Variants in SCMH1 observed in about 807,000 individuals in gnomAD.
SCMH1 encodes polycomb protein SCMH1.
Under a neutral mutation model 70.8 loss-of-function variants are expected in SCMH1, and 37 were observed. That is an observed-to-expected ratio of 0.52 (90% CI 0.40 to 0.69). The LOEUF (loss-of-function observed/expected upper bound fraction) is 0.69, where lower values mean the gene tolerates loss of function less well. SCMH1 is among the 30% of genes least tolerant of loss of function. The probability of loss-of-function intolerance (pLI) is 0.00; values close to 1 mark genes in which losing one functional copy is unlikely to be tolerated. For missense variants in SCMH1, 607 were observed against 827.3 expected, an observed-to-expected ratio of 0.73 and a Z score of 3.27; for synonymous variants, 292 against 307.4, an observed-to-expected ratio of 0.95 and a Z score of 0.52.
chr1:41,146,128 T>C (rs1644534742), intron 5 of SCMH1, among the ~76,000 whole-genome samples: 1 of 151,500 alleles, frequency 6.6e-6, no homozygotes, highest in Non-Finnish European at 1.5e-5. Context: ...GGCTCAGAAG[T>C]AGAAATGGAA....
At chr1:41,185,015 C>A (rs1448705900) in intron 2 of SCMH1, among the ~76,000 whole-genome samples, 5 of 152,168 alleles carry the variant, frequency 3.3e-5, no homozygotes, top group South Asian at 2.1e-4. Flanking sequence ...TAGGTCAATA[C>A]AATGAATCAA....
intron 8 of SCMH1, among the ~76,000 whole-genome samples, chr1:41,100,565 T>C (rs12733161): frequency 6.4e-5 from 8 of 125,856 alleles, no homozygotes; most frequent in African/African-American, 2.2e-4. Context: ...TCTTTTCTTT[T>C]TCTTTTTTTT....
intron 1 of SCMH1, among the ~76,000 whole-genome samples, chr1:41,206,979 C>T (rs568375007): frequency 6.6e-6 from 1 of 152,300 alleles, no homozygotes; most frequent in East Asian, 1.9e-4. Context: ...CCTTTACAGA[C>T]AAGCAAATGC....
chr1:41,046,693 A>C (rs548782292), intron 11 of SCMH1, 95 bp from the exon 12 acceptor site: 65 of 933,686 alleles, frequency 7.0e-5, no homozygotes, highest in Non-Finnish European at 1.0e-4. Context: ...TCTCAGGCTT[A>C]CCTGGTTACA....
intron 1 of SCMH1, among the ~76,000 whole-genome samples, chr1:41,213,611 T>C (rs1657500648): frequency 6.6e-6 from 1 of 152,106 alleles, no homozygotes; most frequent in African/African-American, 2.4e-5. Flanking sequence ...AAGTCTAAAT[T>C]ACCCCCCATT....
intron 8 of SCMH1, among the ~76,000 whole-genome samples, chr1:41,079,849 A>T (rs868282120): frequency 2.0e-5 from 3 of 151,382 alleles, no homozygotes; most frequent in African/African-American, 2.4e-5. Flanking sequence ...AATGCTCTAA[A>T]TTTTTTTTGT....
At chr1:41,152,388 G>T (rs1447066219) in intron 4 of SCMH1, among the ~76,000 whole-genome samples, 4 of 152,198 alleles carry the variant, frequency 2.6e-5, no homozygotes, top group Admixed American at 6.5e-5. Context: ...GGAGTCTGTA[G>T]AATCTTTTAG....
chr1:41,175,620 G>A (rs371725660), intron 2 of SCMH1, among the ~76,000 whole-genome samples: 4 of 152,278 alleles, frequency 2.6e-5, no homozygotes, highest in East Asian at 3.9e-4. Context: ...TTTCTCTCCT[G>A]AAGGACCTCC....
intron 12 of SCMH1, 143 bp from the exon 13 acceptor site, chr1:41,037,684 G>A (rs1645499390): frequency 2.9e-6 from 2 of 684,738 alleles, no homozygotes; most frequent in African/African-American, 3.6e-5. Context: ...AGTCATGGTT[G>A]TGGCTGTCAT....
intron 10 of SCMH1, among the ~76,000 whole-genome samples, chr1:41,050,631 T>A (rs551740595): frequency 1.3e-5 from 2 of 152,300 alleles, no homozygotes; most frequent in East Asian, 1.9e-4. Context: ...TACATTTAAC[T>A]CTGTTCTCTC....
At chr1:41,231,578 AT>A (rs1275062524) in intron 1 of SCMH1, among the ~76,000 whole-genome samples, 1 of 152,016 alleles carries the variant, frequency 6.6e-6, no homozygotes, top group Admixed American at 6.6e-5. Flanking sequence ...GACTTCCCTA[AT>A]TTTTACCTGA....
Position 41,211,309 on chromosome 1 carries a change from C to A in SCMH1, c.-117-25059G>T, listed in dbSNP as rs200981294. On this transcript the variant is annotated intron_variant, in intron 1 of 14. Coordinates refer to ENST00000337495, the Ensembl canonical transcript of SCMH1. ...ATACAGAATCTATGAAGAACTTAAA[C>A]AAATTTACAAGAAAAAAACAAACAA... is the stretch of plus-strand genomic sequence containing the variant. Among the ~76,000 whole-genome samples the A allele has an allele frequency of 2.2e-4, 33 of 152,196 alleles. No homozygotes were observed. In the East Asian group the frequency reaches 5.0e-3, roughly 23 times the overall value.
At chr1:41,220,313 ATG>A (rs1467760528) in intron 1 of SCMH1, among the ~76,000 whole-genome samples, 3 of 152,232 alleles carry the variant, frequency 2.0e-5, no homozygotes, top group African/African-American at 7.2e-5. Context: ...GTTTATGTAC[ATG>A]TGTTTAGAGG....
intron 6 of SCMH1, among the ~76,000 whole-genome samples, chr1:41,133,123 T>C (rs1035511841): frequency 1.3e-5 from 2 of 152,204 alleles, no homozygotes; most frequent in African/African-American, 4.8e-5. Context: ...ACCTATAAAT[T>C]ACTTTGGGCA....
At chr1:41,089,787 C>CTCTTTTT (rs1240914488) in intron 8 of SCMH1, among the ~76,000 whole-genome samples, 2 of 58,756 alleles carry the variant, frequency 3.4e-5, no homozygotes, top group Non-Finnish European at 5.9e-5. Context: ...CATGTTGTCT[C>CTCTTTTT]TTTTTTTTTT....
intron 1 of SCMH1, among the ~76,000 whole-genome samples, chr1:41,192,249 A>G (rs1651887028): frequency 6.6e-6 from 1 of 152,056 alleles, no homozygotes; most frequent in African/African-American, 2.4e-5. Context: ...TACATTTCCC[A>G]ATTACTTGGA....
At chr1:41,159,611 T>C in intron 4 of SCMH1, 1 of 1,191,684 alleles carries the variant, frequency 8.4e-7, no homozygotes, top group Non-Finnish European at 1.1e-6. Context: ...TCAAATTGTC[T>C]GACTCCTATG....
intron 10 of SCMH1, among the ~76,000 whole-genome samples, chr1:41,057,230 C>T (rs1050876512): frequency 1.3e-5 from 2 of 151,994 alleles, no homozygotes. Context: ...TCACTAAAGA[C>T]CTATTTACCA....
rs1224245792 is a variant in SCMH1 at position 41,110,641 on chromosome 1, A to G, written c.745+2642T>C. ...GTACTTTATTCCTTTTTTATTGCCAATTAGTATTTTGTCCTCTAGCTATAC... is the reference window on the plus strand; with the variant it reads ...GTACTTTATTCCTTTTTTATTGCCAGTTAGTATTTTGTCCTCTAGCTATAC... On this transcript the variant is annotated intron_variant, in intron 8 of 14. Transcript: ENST00000337495. 5.9e-5 allele frequency among the ~76,000 whole-genome samples: 9 copies of G among 152,180 alleles called. No individual in the cohort carries two copies. In the East Asian group the frequency reaches 1.7e-3, roughly 29 times the overall value.
Sources: gnomAD v4.1 joint callset for allele counts (sites outside exome capture counted in the v4.1 genomes callset) on GRCh38, gnomAD v4.1.1 for gene constraint, MANE v1.5 for transcripts, NCBI Gene and HGNC (gene_info 2026-07-23, HGNC 2026-07-21) for gene names.